The following AFF1 variants were observed in gnomAD, a reference collection of about 807,000 sequenced individuals.
AFF1 encodes the protein ALF transcription elongation factor 1.
In AFF1, 48 loss-of-function variants were observed where a neutral mutation model predicts 121.7. The ratio of observed to expected loss-of-function variants is 0.39; its 90% CI spans 0.31 to 0.50. AFF1 has a LOEUF of 0.50. Among genes scored for constraint, AFF1 ranks in the 20% least tolerant of loss-of-function variants. AFF1 has a pLI of 0.76. For missense variants in AFF1, 1,523 were observed against 1,511.7 expected (o/e 1.01, Z -0.12); for synonymous variants, 613 against 563.0 (o/e 1.09, Z -1.26).
chr4:87,041,066 A>G (rs1003186225), intron 2 of AFF1, among the ~76,000 whole-genome samples: 3 of 151,664 alleles, frequency 2.0e-5, no homozygotes, highest in Non-Finnish European at 4.4e-5. Flanking sequence ...TAGTAGCCAC[A>G]GGGTTTCACC....
chr4:87,105,908 AT>A, intron 10 of AFF1, 63 bp downstream of exon 10: 1 of 1,577,930 alleles, frequency 6.3e-7, no homozygotes, highest in Non-Finnish European at 8.7e-7. Flanking sequence ...AATGGGAAAA[AT>A]AAAGCCTTAT....
intron 2 of AFF1, among the ~76,000 whole-genome samples, chr4:86,987,807 G>T (rs1724403982): frequency 6.6e-6 from 1 of 152,010 alleles, no homozygotes; most frequent in Non-Finnish European, 1.5e-5. Context: ...ACAAAAATTA[G>T]CTGGGCATGG....
At position 87,127,221 on chromosome 4, in the gene AFF1, C is replaced by T. The variant is rs1222565187; in HGVS notation, c.2903+104C>T. On this transcript the variant is annotated intron_variant, in intron 15 of 20. Coordinates refer to ENST00000395146, the MANE Select transcript of AFF1 (RefSeq NM_001166693.3). ...TGTCACCCAGGCTGGAGTGTAGTGG[C>T]ATGATCTTGGCTCACTGCAACCTCC... The T allele has an allele frequency of 3.9e-6, 4 of 1,016,410 alleles. No individual in the cohort carries two copies. The highest frequency in any genetic ancestry group is 1.6e-5 in the African/African-American group (1 of 60,964). The allele number at this position is 1,016,410 out of a possible 1,614,324, so 63.0% of individuals were successfully genotyped here. A position where few individuals can be genotyped will look rare whatever the true frequency, so the allele number is the denominator to read the frequency against.
intron 4 of AFF1, among the ~76,000 whole-genome samples, chr4:87,075,926 G>A (rs535260736): frequency 6.6e-6 from 1 of 152,218 alleles, no homozygotes; most frequent in East Asian, 1.9e-4. Flanking sequence ...TGACAAAATC[G>A]AGTATTCATT....
intron 2 of AFF1, among the ~76,000 whole-genome samples, chr4:87,042,677 G>A (rs1030411592): frequency 3.9e-5 from 6 of 152,196 alleles, no homozygotes; most frequent in Admixed American, 2.0e-4. Flanking sequence ...AAATCTTAAC[G>A]TGGGTTTAAA....
intron 8 of AFF1, among the ~76,000 whole-genome samples, chr4:87,105,301 T>C (rs574893342): frequency 6.6e-6 from 1 of 152,354 alleles, no homozygotes; most frequent in East Asian, 1.9e-4. Flanking sequence ...TGAAGGACTT[T>C]AGTCTCAGGG....
chr4:86,956,783 T>C (rs115501416), intron 2 of AFF1, among the ~76,000 whole-genome samples: 2,561 of 152,340 alleles, frequency 0.017, 81 homozygotes, highest in African/African-American at 0.058. Flanking sequence ...TAATATTCCA[T>C]TGCATAGATG....
intron 2 of AFF1, among the ~76,000 whole-genome samples, chr4:87,026,062 T>C (rs1211080052): frequency 3.2e-5 from 1 of 31,440 alleles, no homozygotes; most frequent in African/African-American, 7.8e-5. Context: ...GAGACCATGC[T>C]TTTTTTTTTT....
chr4:87,132,250 C>T, intron 18 of AFF1, 21 bp from the exon 19 acceptor site: 1 of 1,604,210 alleles, frequency 6.2e-7, no homozygotes, highest in Non-Finnish European at 8.5e-7. Flanking sequence ...CGTGCAGTTT[C>T]ACTTCTGTCT....
chr4:87,042,701 C>T (rs367679297), intron 2 of AFF1, among the ~76,000 whole-genome samples: 11 of 152,186 alleles, frequency 7.2e-5, no homozygotes, highest in African/African-American at 2.4e-4. Flanking sequence ...ATTTTTTTGA[C>T]ACTAATGAAG....
chr4:87,105,762 T>C (rs1320776470), intron 9 of AFF1, 46 bp from the exon 10 acceptor site: 1 of 1,613,998 alleles, frequency 6.2e-7, no homozygotes, highest in Admixed American at 1.7e-5. Flanking sequence ...CTAACCTGTT[T>C]TTTGTTCTTT....
intron 2 of AFF1, among the ~76,000 whole-genome samples, chr4:87,022,592 A>ATATATC (rs1465084690): frequency 0.019 from 1,896 of 99,668 alleles, 85 homozygotes; most frequent in African/African-American, 0.041. Context: ...ATCTATCTAT[A>ATATATC]TCTATCTGTG....
At chr4:87,093,475 T>C (rs537928390) in intron 7 of AFF1, among the ~76,000 whole-genome samples, 1 of 152,336 alleles carries the variant, frequency 6.6e-6, no homozygotes, top group East Asian at 1.9e-4. Flanking sequence ...CTTGATCTTA[T>C]GGTACTGGTA....
At chr4:87,070,211 C>T (rs934214128) in intron 4 of AFF1, among the ~76,000 whole-genome samples, 1 of 152,204 alleles carries the variant, frequency 6.6e-6, no homozygotes, top group Admixed American at 6.5e-5. Flanking sequence ...ACCATGTTGG[C>T]GAGGCTAGTC....
Position 87,047,479 on chromosome 4 carries a change from C to G in AFF1, c.944C>G (p.Pro315Arg), listed in dbSNP as rs1025497260. The change falls in exon 4 of 21, where the codon CCT (proline) becomes CGT (arginine). Residue 315 changes from proline (P) to arginine (R), a missense_variant. Physicochemically the swap from Pro to Arg is moderately radical, Grantham distance 103. Transcript: ENST00000395146. ...CAAGATCAGGCCCCTAGTGAATCCC[C>G]TGAACTGAAACCACTGCCGGAGGAC... ...DGQDQAPSES[P>R]ELKPLPEDYR... 6.2e-7 allele frequency: 1 copy of G among 1,614,200 alleles called. No individual in the cohort carries two copies. The highest frequency in any genetic ancestry group is 8.5e-7 in the Non-Finnish European group (1 of 1,180,036).
At chr4:86,952,172 A>G (rs1721399471) in intron 2 of AFF1, among the ~76,000 whole-genome samples, 1 of 152,094 alleles carries the variant, frequency 6.6e-6, no homozygotes. Context: ...TTTCATAGCT[A>G]TTCATTCTCA....
At chr4:87,074,703 G>A (rs1188873728) in intron 4 of AFF1, among the ~76,000 whole-genome samples, 1 of 152,126 alleles carries the variant, frequency 6.6e-6, no homozygotes, top group African/African-American at 2.4e-5. Context: ...ACACTGAATT[G>A]TACCTTTTAT....
At chr4:87,027,145 A>T (rs1299046788) in intron 2 of AFF1, among the ~76,000 whole-genome samples, 4 of 152,254 alleles carry the variant, frequency 2.6e-5, no homozygotes, top group Non-Finnish European at 4.4e-5. Context: ...TTAAGCCTTC[A>T]CAGTGGCTGC....
chr4:87,106,599 C>T (rs1256249347), intron 10 of AFF1, among the ~76,000 whole-genome samples: 2 of 152,134 alleles, frequency 1.3e-5, no homozygotes, highest in Non-Finnish European at 2.9e-5. Context: ...TTCAAAATGA[C>T]CAGCAGTACA....
Sources: allele counts gnomAD v4.1 joint callset (sites outside exome capture counted in the v4.1 genomes callset), GRCh38; gene constraint gnomAD v4.1.1; transcripts MANE v1.5; gene names NCBI Gene and HGNC (gene_info 2026-07-23, HGNC 2026-07-21).